SLC9B1: variants seen among roughly 807,000 people sequenced by gnomAD.
The protein encoded by SLC9B1 is solute carrier family 9 member B1, also known as sodium/hydrogen exchanger 9B1.
A neutral mutation model predicts 51.7 loss-of-function variants in SLC9B1; 32 were observed. The observed-to-expected ratio is 0.62, with a 90% CI of 0.47 to 0.83. The LOEUF is 0.83. Ranked by LOEUF, SLC9B1 falls within the 40% of genes least tolerant of loss-of-function variation. The pLI is 0.00. For synonymous variants in SLC9B1, 145 were observed against 212.7 expected (o/e 0.68, Z 2.77); for missense variants, 406 against 613.2 (o/e 0.66, Z 3.57).
chr4:102,922,581 A>G (rs1212957955), intron 7 of SLC9B1, among the ~76,000 whole-genome samples: 1 of 152,094 alleles, frequency 6.6e-6, no homozygotes, highest in Non-Finnish European at 1.5e-5. Flanking sequence ...GGAGATACAG[A>G]CACAAAAAAC....
intron 1 of SLC9B1, among the ~76,000 whole-genome samples, chr4:103,001,355 A>C (rs1045451802): frequency 9.2e-5 from 14 of 152,202 alleles, no homozygotes; most frequent in African/African-American, 3.1e-4. Flanking sequence ...CTTCTCCCCC[A>C]AAAATGGATT....
At chr4:102,956,739 AT>A (rs1401226665) in intron 3 of SLC9B1, among the ~76,000 whole-genome samples, 2 of 152,238 alleles carry the variant, frequency 1.3e-5, no homozygotes, top group Non-Finnish European at 2.9e-5. Flanking sequence ...ACAATCACAA[AT>A]AAAAACCAAA....
chr4:102,918,066 CT>C (rs1376760412), intron 7 of SLC9B1, among the ~76,000 whole-genome samples: 1 of 76,286 alleles, frequency 1.3e-5, no homozygotes, highest in Non-Finnish European at 2.3e-5. Context: ...AAAACTCCAT[CT>C]CAAAAAAAAA....
intron 11 of SLC9B1, chr4:102,887,938 G>A (rs1734019676): frequency 6.5e-6 from 1 of 154,176 alleles, no homozygotes; most frequent in African/African-American, 2.4e-5. Context: ...AGATTGTTGT[G>A]TATTTAATAT....
chr4:102,988,648 G>C (rs1173506835), intron 3 of SLC9B1, among the ~76,000 whole-genome samples: 3 of 151,970 alleles, frequency 2.0e-5, no homozygotes, highest in African/African-American at 7.2e-5. Flanking sequence ...TTGAGAGAGA[G>C]GGACAAACAG....
At chr4:102,935,842 C>T (rs770131242) in intron 6 of SLC9B1, among the ~76,000 whole-genome samples, 2 of 152,182 alleles carry the variant, frequency 1.3e-5, no homozygotes, top group Non-Finnish European at 2.9e-5. Context: ...TGAGTGCACC[C>T]CACAGCACCA....
chr4:102,930,127 A>C (rs927604704), intron 7 of SLC9B1, among the ~76,000 whole-genome samples: 2 of 152,254 alleles, frequency 1.3e-5, no homozygotes, highest in African/African-American at 4.8e-5. Context: ...ATGACTAATA[A>C]ACATGGATAT....
chr4:102,967,023 C>CA (rs1738464631), intron 3 of SLC9B1, among the ~76,000 whole-genome samples: 1 of 152,156 alleles, frequency 6.6e-6, no homozygotes, highest in Non-Finnish European at 1.5e-5. Context: ...ACAACACAGC[C>CA]AAATTTTTGC....
At chr4:103,007,966 GT>G (rs1356232546) in intron 1 of SLC9B1, among the ~76,000 whole-genome samples, 1 of 152,114 alleles carries the variant, frequency 6.6e-6, no homozygotes, top group East Asian at 1.9e-4. Flanking sequence ...GACTGGATAA[GT>G]TTATTAGAAA....
Position 102,943,270 on chromosome 4 carries a change from G to T in SLC9B1, c.653+1923C>A, listed in dbSNP as rs547280307. 9.9e-5 allele frequency among the ~76,000 whole-genome samples: 15 copies of T among 152,052 alleles called. No homozygotes were observed. In the South Asian group the frequency reaches 2.5e-3, roughly 25 times the overall value. ...CAACCACTATGGAAAAGAGTATGAA[G>T]ATTTCTTAAATAATTAAAAGTAGAT... On this transcript the variant is annotated intron_variant, in intron 6 of 11. Coordinates refer to ENST00000296422, the MANE Select transcript of SLC9B1 (RefSeq NM_139173.4).
chr4:102,926,947 A>G (rs1736214561), intron 7 of SLC9B1, among the ~76,000 whole-genome samples: 1 of 152,182 alleles, frequency 6.6e-6, no homozygotes, highest in African/African-American at 2.4e-5. Context: ...ATAAGACCAC[A>G]CATCTACAGC....
intron 6 of SLC9B1, among the ~76,000 whole-genome samples, chr4:102,933,539 C>T (rs1346988787): frequency 1.3e-5 from 2 of 152,202 alleles, no homozygotes; most frequent in East Asian, 3.8e-4. Flanking sequence ...TGTCTTATGA[C>T]TTCTGTGGGT....
At chr4:102,963,589 G>C (rs537823413) in intron 3 of SLC9B1, among the ~76,000 whole-genome samples, 1 of 151,860 alleles carries the variant, frequency 6.6e-6, no homozygotes, top group Non-Finnish European at 1.5e-5. Flanking sequence ...CTTTTCACTT[G>C]AGCTTTTTTG....
intron 10 of SLC9B1, chr4:102,906,197 A>G (rs1335187078): frequency 6.1e-6 from 1 of 162,612 alleles, no homozygotes; most frequent in Non-Finnish European, 1.3e-5. Context: ...GGCCTCCCAA[A>G]GTAAGATTAC....
chr4:102,897,091 C>T (rs1246372166), downstream of SLC9B1: 1 of 154,476 alleles, frequency 6.5e-6, no homozygotes, highest in African/African-American at 2.4e-5. Flanking sequence ...ATGAGATGAA[C>T]AGAAAGAAGC....
At chr4:102,917,383 A>G (rs906388177) in intron 7 of SLC9B1, among the ~76,000 whole-genome samples, 2 of 151,996 alleles carry the variant, frequency 1.3e-5, no homozygotes, top group Admixed American at 1.3e-4. Flanking sequence ...TCTCCTTAAT[A>G]AATTATATTT....
chr4:102,994,006 C>A (rs1410467781), intron 1 of SLC9B1, among the ~76,000 whole-genome samples: 1 of 152,130 alleles, frequency 6.6e-6, no homozygotes, highest in Non-Finnish European at 1.5e-5. Context: ...GGTCTCCAGG[C>A]CTGTGATGGG....
intron 3 of SLC9B1, among the ~76,000 whole-genome samples, chr4:102,969,413 A>C (rs1738623655): frequency 6.6e-6 from 1 of 152,236 alleles, no homozygotes; most frequent in African/African-American, 2.4e-5. Context: ...GATTGTTAGA[A>C]GGAAAACTAA....
At chr4:102,977,107 G>T (rs1739111511) in intron 3 of SLC9B1, among the ~76,000 whole-genome samples, 1 of 151,818 alleles carries the variant, frequency 6.6e-6, no homozygotes, top group African/African-American at 2.4e-5. Flanking sequence ...TTGTGATGGT[G>T]CCACTGTACT....
Sources: allele counts gnomAD v4.1 joint callset (sites outside exome capture counted in the v4.1 genomes callset), GRCh38; gene constraint gnomAD v4.1.1; transcripts MANE v1.5; gene names NCBI Gene and HGNC (gene_info 2026-07-23, HGNC 2026-07-21).